The following WDR81 variants were observed in gnomAD, a reference collection of about 807,000 sequenced individuals.
The protein encoded by WDR81 is WD repeat domain 81, also known as WD repeat-containing protein 81.
WDR81 carries 92 observed loss-of-function variants against 140.8 expected under a neutral mutation model. The ratio of observed to expected loss-of-function variants is 0.65; its 90% CI spans 0.55 to 0.78. WDR81 has a LOEUF of 0.78. Ranked by LOEUF, WDR81 falls within the 30% of genes least tolerant of loss-of-function variation. WDR81 has a pLI of 0.00. For synonymous variants in WDR81, 1,183 were observed against 1,156.4 expected, an observed-to-expected ratio of 1.02 and a Z score of -0.47; for missense variants, 2,502 against 2,636.4, an observed-to-expected ratio of 0.95 and a Z score of 1.12.
At chr17:1,736,327 T>C in intron 9 of WDR81, 109 bp downstream of exon 9, 1 of 1,320,792 alleles carries the variant, frequency 7.6e-7, no homozygotes, top group African/African-American at 1.5e-5. Context: ...TGGTCTGTCT[T>C]ATATACCTGG....
intron 1 of WDR81, among the ~76,000 whole-genome samples, chr17:1,728,959 A>C (rs967837826): frequency 6.6e-6 from 1 of 151,666 alleles, no homozygotes; most frequent in African/African-American, 2.4e-5. Flanking sequence ...TCTCAAAAAA[A>C]CAAAACAAAA....
At position 1,738,109 on chromosome 17, in the gene WDR81, G is replaced by A. The variant is rs1350146657; in HGVS notation, c.*424G>A. Reference sequence around the variant, plus strand: ...TGTCCCATCCCTCTAGGACAGGGAAGCTGGCCTGGTCCAGGGCACTGATGG... The same window carrying A: ...TGTCCCATCCCTCTAGGACAGGGAAACTGGCCTGGTCCAGGGCACTGATGG... On this transcript the variant is annotated 3_prime_UTR_variant, in exon 10 of 10. Transcript: ENST00000409644. 4.7e-6 allele frequency: 1 copy of A among 212,810 alleles called. No homozygotes were observed. The highest frequency in any genetic ancestry group is 2.3e-5 in the African/African-American group (1 of 43,502). 13.2% of individuals were successfully genotyped at this position (212,810 alleles called of 1,614,324 possible).
In WDR81 at chr17:1,727,845, C is replaced by G; in HGVS notation, c.2886C>G (p.Leu962=). 1 of 1,550,674 alleles carries G rather than the reference C, an allele frequency of 6.4e-7. No homozygotes were observed. Among genetic ancestry groups the G allele is most frequent in the Non-Finnish European group, 8.7e-7 (1 of 1,147,054 alleles). The change falls in exon 1 of 10, where the codon CTC becomes CTG. Residue 962 remains leucine (L), a synonymous_variant. Transcript: ENST00000409644. ...GCCCCAAAAATGCCAATAAGTACCT[C>G]CTGAAGCCGCTCATTGGTGCCTACG... ...ALGPKNANKY[L]LKPLIGAYES...
chr17:1,731,193 C>T lies in WDR81; in HGVS notation c.4092C>T (p.Ile1364=), dbSNP rs368438773. 4 of 1,613,476 alleles carry T rather than the reference C, an allele frequency of 2.5e-6. No homozygotes were observed. The highest frequency in any genetic ancestry group is 3.4e-6 in the Non-Finnish European group (4 of 1,180,022). The change falls in exon 4 of 10, where the codon ATC becomes ATT. Residue 1364 remains isoleucine, a synonymous_variant. Coordinates refer to ENST00000409644, the MANE Select transcript of WDR81 (RefSeq NM_001163809.2). ...TCTCAGACACCACACTCATGGACATCCTGCCCCGGATCAGCCATGAGGTCC... is the reference window on the plus strand; with the variant it reads ...TCTCAGACACCACACTCATGGACATTCTGCCCCGGATCAGCCATGAGGTCC... ...VYLSDTTLMD[I]LPRISHEVLL... is the part of the protein sequence containing the mutation.
At position 1,735,640 on chromosome 17, in the gene WDR81, G is replaced by A. The variant is rs150784268; in HGVS notation, c.5248G>A (p.Ala1750Thr). ...VPLTAVAVMP[A>T]PHTSITMASS... ...CCTGACTGCGGTGGCTGTCATGCCCGCCCCCCACACCAGCATCACCATGGC... is the reference window on the plus strand; with the variant it reads ...CCTGACTGCGGTGGCTGTCATGCCCACCCCCCACACCAGCATCACCATGGC... Residue 1750 changes from alanine (A) to threonine (T), a missense_variant, in exon 8 of 10, where the codon GCC (alanine) becomes ACC (threonine). Around this residue, in one of 3 missense-constraint regions of WDR81, gnomAD observed 1,737 missense variants for 1,843.0 expected, o/e 0.94. Coordinates refer to ENST00000409644, the MANE Select transcript of WDR81 (RefSeq NM_001163809.2). The surrounding 1 kb of genome is among the most constrained non-coding windows in gnomAD (Gnocchi z 4.2). 69 of 1,612,638 alleles carry A rather than the reference G, an allele frequency of 4.3e-5. No individual in the cohort carries two copies. The highest frequency in any genetic ancestry group is 1.3e-4 in the East Asian group (6 of 44,874).
upstream of WDR81, among the ~76,000 whole-genome samples, chr17:1,720,015 A>G (rs929395832): frequency 1.3e-5 from 2 of 152,150 alleles, no homozygotes; most frequent in African/African-American, 2.4e-5. Context: ...AACACCTAGC[A>G]TAGATTTAAT....
At chr17:1,718,111 A>G (rs937616931) in intron 1 of WDR81, among the ~76,000 whole-genome samples, 2 of 149,056 alleles carry the variant, frequency 1.3e-5, no homozygotes, top group African/African-American at 5.0e-5. Flanking sequence ...CCACCTCCTT[A>G]TTTATTTTTT....
chr17:1,738,120 C>T lies in WDR81; in HGVS notation c.*435C>T, dbSNP rs1288861735. ...TCTAGGACAGGGAAGCTGGCCTGGT[C>T]CAGGGCACTGATGGTGCTTGGATTC... On this transcript the variant is annotated 3_prime_UTR_variant, in exon 10 of 10. Coordinates refer to ENST00000409644, the MANE Select transcript of WDR81 (RefSeq NM_001163809.2). 5.0e-6 allele frequency: 1 copy of T among 198,534 alleles called. No individual in the cohort carries two copies. Among genetic ancestry groups the T allele is most frequent in the East Asian group, 1.3e-4 (1 of 7,562 alleles). 12.3% of individuals were successfully genotyped at this position (198,534 alleles called of 1,614,324 possible). A position where few individuals can be genotyped will look rare whatever the true frequency, so the allele number is the denominator to read the frequency against.
chr17:1,738,264 G>C lies in WDR81; in HGVS notation c.*579G>C. 1 of 159,140 alleles carries C rather than the reference G, an allele frequency of 6.3e-6. No homozygotes were observed. The highest frequency in any genetic ancestry group is 1.4e-5 in the Non-Finnish European group (1 of 71,926). 9.9% of individuals were successfully genotyped at this position (159,140 alleles called of 1,614,324 possible). A position where few individuals can be genotyped will look rare whatever the true frequency, so the allele number is the denominator to read the frequency against. ...GGGACGGGAAGGAAGAAGGAGGCTA[G>C]GAGCAGGGGGAAAAGGTGCACTTGG... is the stretch of plus-strand genomic sequence containing the variant. On this transcript the variant is annotated 3_prime_UTR_variant, in exon 10 of 10. Transcript: ENST00000409644.
chr17:1,731,491 T>C (rs1904345693), intron 4 of WDR81, among the ~76,000 whole-genome samples: 1 of 152,134 alleles, frequency 6.6e-6, no homozygotes, highest in Admixed American at 6.5e-5. Flanking sequence ...TTTTGATATG[T>C]CCGGGCACGG....
chr17:1,718,744 A>G (rs1308961895), intron 1 of WDR81, among the ~76,000 whole-genome samples: 3 of 152,200 alleles, frequency 2.0e-5, no homozygotes, highest in Non-Finnish European at 2.9e-5. Context: ...AAGGAAGTGA[A>G]GCCTCACCAG....
upstream of WDR81, chr17:1,724,501 GGTAGGCATC>G: frequency 1.0e-6 from 1 of 986,118 alleles, no homozygotes; most frequent in Non-Finnish European, 1.2e-6. Flanking sequence ...GGGGTGGGGC[GGTAGGCATC>G]GCCCTCCGCC....
At chr17:1,716,742 A>T in intron 1 of WDR81, 2 of 1,271,166 alleles carry the variant, frequency 1.6e-6, no homozygotes, top group East Asian at 2.5e-5. Context: ...ACATTCCCCA[A>T]ACTGACTCGC....
At chr17:1,722,114 ACT>A (rs1411839313), upstream of WDR81, among the ~76,000 whole-genome samples, 2 of 151,952 alleles carry the variant, frequency 1.3e-5, no homozygotes, top group African/African-American at 2.4e-5. Context: ...CAAGAGCGAA[ACT>A]CTGTCTTAAA....
chr17:1,716,700 C>T (rs1009492239), intron 1 of WDR81: 7 of 1,519,744 alleles, frequency 4.6e-6, no homozygotes, highest in Non-Finnish European at 6.3e-6. Context: ...GCGACAGCCC[C>T]TCCTTGTTGG....
rs1462032350 is a variant in WDR81, at chr17:1,725,568, A to C, written c.609A>C (p.Arg203Ser). 1 of 1,545,074 alleles carries C rather than the reference A, an allele frequency of 6.5e-7. No homozygotes were observed. Among genetic ancestry groups the C allele is most frequent in the East Asian group, 2.4e-5 (1 of 40,930 alleles). ...CTACCCAATGCCCTTCATATGCCAG[A>C]GAAGGCCCCTGCCCCCCTCGGGGCA... ...GETTQCPSYA[R>S]EGPCPPRGSP... Residue 203 changes from arginine (R) to serine (S), a missense_variant, in exon 1 of 10, where the codon AGA (arginine) becomes AGC (serine). By Grantham distance (110) the Arg-to-Ser change is moderately radical. Around this residue, in one of 3 missense-constraint regions of WDR81, gnomAD observed 547 missense variants for 513.8 expected, o/e 1.06. Coordinates refer to ENST00000409644, the MANE Select transcript of WDR81 (RefSeq NM_001163809.2).
chr17:1,736,914 A>T (rs566263549), intron 9 of WDR81, among the ~76,000 whole-genome samples: 1 of 152,284 alleles, frequency 6.6e-6, no homozygotes, highest in Admixed American at 6.5e-5. Context: ...CCCTCAGCTC[A>T]AGGTGCCCCC....
chr17:1,727,448 G>T lies in WDR81; in HGVS notation c.2489G>T (p.Gly830Val). Residue 830 changes from glycine (G) to valine (V), a missense_variant, in exon 1 of 10, where the codon GGC (glycine) becomes GTC (valine). By Grantham distance (109) the Gly-to-Val change is moderately radical (BLOSUM62 -3). Coordinates refer to ENST00000409644, the MANE Select transcript of WDR81 (RefSeq NM_001163809.2). ...CTGGACACACTCCTGCAGATGAGTG[G>T]CCCCGAAGTCCCCATGGGAGCAGAG... Reference protein sequence around the residue: ...PVLDTLLQMSGPEVPMGAERG... With the variant: ...PVLDTLLQMSVPEVPMGAERG... The T allele has an allele frequency of 3.2e-6, 5 of 1,550,356 alleles. No homozygotes were observed. The highest frequency in any genetic ancestry group is 4.4e-6 in the Non-Finnish European group (5 of 1,146,982).
Position 1,738,000 on chromosome 17 carries a change from GA to G in WDR81, c.*316del, listed in dbSNP as rs1905029598. ...CCAGCTCTGCCCTCTGGGTCCACAT[GA>G]GGACAGGGAAGCTCGGGAAGGGGAA... On this transcript the variant is annotated 3_prime_UTR_variant, in exon 10 of 10. Coordinates refer to ENST00000409644, the MANE Select transcript of WDR81 (RefSeq NM_001163809.2). 1 of 450,050 alleles carries G rather than the reference GA, an allele frequency of 2.2e-6. No homozygotes were observed. The highest frequency in any genetic ancestry group is 4.0e-5 in the Admixed American group (1 of 25,040). 27.9% of individuals were successfully genotyped at this position (450,050 alleles called of 1,614,324 possible). A position where few individuals can be genotyped will look rare whatever the true frequency, so the allele number is the denominator to read the frequency against.
Sources: gnomAD v4.1 joint callset for allele counts (sites outside exome capture counted in the v4.1 genomes callset) on GRCh38, gnomAD v4.1.1 for gene constraint, gnomAD v4.1.1 regional missense constraint, Gnocchi (gnomAD v3.1) non-coding constraint, MANE v1.5 for transcripts, NCBI Gene and HGNC (gene_info 2026-07-23, HGNC 2026-07-21) for gene names.